The following BMPR1A variants were observed in gnomAD, a reference collection of about 807,000 sequenced individuals.
BMPR1A encodes the protein bone morphogenetic protein receptor type-1A.
A neutral mutation model predicts 66.0 loss-of-function variants in BMPR1A; 7 were observed. The ratio of observed to expected loss-of-function variants is 0.11; its 90% CI spans 0.06 to 0.20. The LOEUF is 0.20. BMPR1A is among the 10% of genes least tolerant of loss of function. BMPR1A has a pLI of 1.00. For synonymous variants in BMPR1A, 200 were observed against 229.7 expected (o/e 0.87, Z 1.17); for missense variants, 408 against 669.1 (o/e 0.61, Z 4.31).
At chr10:86,763,790 G>GTTTTTTTTT (rs5786745) in intron 1 of BMPR1A, among the ~76,000 whole-genome samples, 2 of 117,424 alleles carry the variant, frequency 1.7e-5, no homozygotes, top group Admixed American at 9.3e-5. Context: ...TTGGATAGTT[G>GTTTTTTTTT]TTTTTTTTTT....
intron 1 of BMPR1A, among the ~76,000 whole-genome samples, chr10:86,758,809 A>G (rs1488807901): frequency 6.6e-6 from 1 of 152,134 alleles, no homozygotes; most frequent in Non-Finnish European, 1.5e-5. Context: ...AACCTAATCA[A>G]CACATTTAAC....
At chr10:86,791,668 CT>C (rs1841621434) in intron 1 of BMPR1A, among the ~76,000 whole-genome samples, 1 of 150,958 alleles carries the variant, frequency 6.6e-6, no homozygotes, top group African/African-American at 2.4e-5. Context: ...AGTAATTTTT[CT>C]TTCCTTCTTT....
At chr10:86,856,018 C>CCCG in intron 2 of BMPR1A, 1 of 619,126 alleles carries the variant, frequency 1.6e-6, no homozygotes, top group Non-Finnish European at 3.1e-6. Context: ...TGCCTCTCAC[C>CCCG]GTACTGGAGT....
chr10:86,802,162 T>C (rs1589723181), intron 1 of BMPR1A, among the ~76,000 whole-genome samples: 2 of 152,296 alleles, frequency 1.3e-5, no homozygotes, highest in East Asian at 3.9e-4. Context: ...GCCAAACTCT[T>C]AGCCGCTGTG....
chr10:86,781,576 G>A (rs1400169711), intron 1 of BMPR1A, among the ~76,000 whole-genome samples: 1 of 152,140 alleles, frequency 6.6e-6, no homozygotes, highest in Non-Finnish European at 1.5e-5. Context: ...TATTTTGATA[G>A]GGATTGCATT....
chr10:86,842,626 A>G (rs538420404), intron 2 of BMPR1A, among the ~76,000 whole-genome samples: 52 of 152,268 alleles, frequency 3.4e-4, no homozygotes, highest in African/African-American at 1.3e-3. Flanking sequence ...TTTTTGTTAA[A>G]ATTAATATGA....
intron 1 of BMPR1A, among the ~76,000 whole-genome samples, chr10:86,773,597 G>GAAAAA (rs71019429): frequency 2.0e-3 from 200 of 99,670 alleles, no homozygotes; most frequent in Non-Finnish European, 2.5e-3. Flanking sequence ...GTCTCAGAAA[G>GAAAAA]AAAAAAAAAA....
chr10:86,850,369 CTTAAA>C (rs932093650), intron 2 of BMPR1A, among the ~76,000 whole-genome samples: 1 of 151,594 alleles, frequency 6.6e-6, no homozygotes, highest in African/African-American at 2.4e-5. Flanking sequence ...TTCCAGGATG[CTTAAA>C]TTAAACAGGG....
chr10:86,931,298 C>CACACACACACACACACATATATAT, downstream of BMPR1A: 7 of 90,906 alleles, frequency 7.7e-5, no homozygotes, highest in Admixed American at 2.3e-4. Context: ...CACACACACA[C>CACACACACACACACACATATATAT]ATATATATAT....
chr10:86,790,182 AAAAAAAATATATATATATATATATAT>A (rs1841586153), intron 1 of BMPR1A, among the ~76,000 whole-genome samples: 2 of 41,926 alleles, frequency 4.8e-5, no homozygotes, highest in Non-Finnish European at 3.8e-5. Context: ...AAAAAAAAAA[AAAAAAAATATATATATATATATATAT>A]ATATATATAT....
chr10:86,828,101 G>A (rs1363935919), intron 1 of BMPR1A, among the ~76,000 whole-genome samples: 2 of 152,176 alleles, frequency 1.3e-5, no homozygotes, highest in Admixed American at 6.5e-5. Context: ...GCAGTGAGCC[G>A]AAATCGTGCC....
rs59957238 is a variant in BMPR1A, at chr10:86,803,004, CA to C, written c.-267-35841del. Among the ~76,000 whole-genome samples, 162 of 75,950 alleles carry C rather than the reference CA, an allele frequency of 2.1e-3. 1 individual carries two copies. The highest frequency in any genetic ancestry group is 6.6e-3 in the Admixed American group (39 of 5,954). The allele number at this position is 75,950 out of a possible 152,430, so 49.8% of individuals were successfully genotyped here. Reference sequence around the variant, plus strand: ...TGGGCGACAGAGCAAGACCCGGTCTCAAAAAAAAAAAAAAAAAAAAGACCCT... The same window carrying C: ...TGGGCGACAGAGCAAGACCCGGTCTCAAAAAAAAAAAAAAAAAAAGACCCT... On this transcript the variant is annotated intron_variant, in intron 1 of 12. Coordinates refer to ENST00000372037, the MANE Select transcript of BMPR1A (RefSeq NM_004329.3).
At chr10:86,918,170 T>C (rs1843605472) in intron 9 of BMPR1A, among the ~76,000 whole-genome samples, 1 of 152,256 alleles carries the variant, frequency 6.6e-6, no homozygotes, top group Non-Finnish European at 1.5e-5. Context: ...CCTTACAACA[T>C]CACCAGCCAT....
chr10:86,924,765 A>G lies in BMPR1A; in HGVS notation c.*1046A>G, dbSNP rs1335011795. 2 of 232,668 alleles carry G rather than the reference A, an allele frequency of 8.6e-6. No individual in the cohort carries two copies. The highest frequency in any genetic ancestry group is 1.7e-5 in the Non-Finnish European group (2 of 117,822). The allele number at this position is 232,668 out of a possible 1,614,324, so 14.4% of individuals were successfully genotyped here. On this transcript the variant is annotated 3_prime_UTR_variant, in exon 13 of 13. Transcript: ENST00000372037. ...ACCCACTCCTTTACAACCATACTTT[A>G]TATATGTACATACATTCATACTGTA... is the stretch of plus-strand genomic sequence containing the variant.
chr10:86,801,382 C>A (rs796673130), intron 1 of BMPR1A, among the ~76,000 whole-genome samples: 5 of 152,296 alleles, frequency 3.3e-5, no homozygotes, highest in African/African-American at 1.2e-4. Context: ...CTCAAGCCAT[C>A]CACCCACCTT....
chr10:86,760,188 GT>G (rs58326501), intron 1 of BMPR1A, among the ~76,000 whole-genome samples: 12,172 of 53,258 alleles, frequency 0.23, 1,188 homozygotes, highest in African/African-American at 0.27. Context: ...AGATTTACCT[GT>G]TTTTTTTTTT....
At chr10:86,882,400 G>A (rs1479631725) in intron 3 of BMPR1A, among the ~76,000 whole-genome samples, 3 of 151,914 alleles carry the variant, frequency 2.0e-5, no homozygotes, top group Admixed American at 6.6e-5. Flanking sequence ...TCCAGCCTGG[G>A]CAACAGAGTG....
At chr10:86,771,876 C>G (rs1392021794) in intron 1 of BMPR1A, among the ~76,000 whole-genome samples, 1 of 152,102 alleles carries the variant, frequency 6.6e-6, no homozygotes, top group Non-Finnish European at 1.5e-5. Flanking sequence ...TAGATCCTCC[C>G]GCCTTGACCT....
intron 7 of BMPR1A, among the ~76,000 whole-genome samples, chr10:86,900,627 C>G (rs1467569186): frequency 6.6e-6 from 1 of 152,026 alleles, no homozygotes; most frequent in Non-Finnish European, 1.5e-5. Flanking sequence ...AATAAACAAA[C>G]CCAAGTACAT....
Sources: gnomAD v4.1 joint callset for allele counts (sites outside exome capture counted in the v4.1 genomes callset) on GRCh38, gnomAD v4.1.1 for gene constraint, MANE v1.5 for transcripts, NCBI Gene and HGNC (gene_info 2026-07-23, HGNC 2026-07-21) for gene names.